Variants in MACROD2 observed in about 807,000 individuals in gnomAD.
The protein encoded by MACROD2 is mono-ADP ribosylhydrolase 2, also known as ADP-ribose glycohydrolase MACROD2.
MACROD2 carries 36 observed loss-of-function variants against 70.4 expected under a neutral mutation model. That is an observed-to-expected ratio of 0.51 (90% CI 0.39 to 0.68). MACROD2 has a LOEUF of 0.68. Ranked by LOEUF, MACROD2 falls within the 30% of genes least tolerant of loss-of-function variation. The pLI is 0.00. For synonymous variants in MACROD2, 172 were observed against 178.8 expected (o/e 0.96, Z 0.30); for missense variants, 496 against 538.4 (o/e 0.92, Z 0.78).
chr20:15,619,269 G>A (rs1416313047), intron 8 of MACROD2, among the ~76,000 whole-genome samples: 8 of 152,178 alleles, frequency 5.3e-5, no homozygotes, highest in East Asian at 3.9e-4. Context: ...GGCTGCTATC[G>A]TCTTTGTTTT....
intron 3 of MACROD2, among the ~76,000 whole-genome samples, chr20:14,308,875 A>G (rs1293544945): frequency 6.6e-6 from 1 of 152,162 alleles, no homozygotes; most frequent in Non-Finnish European, 1.5e-5. Flanking sequence ...GGAGATGGAA[A>G]GGGTAAAGGA....
At chr20:15,807,596 T>G (rs2063780739) in intron 8 of MACROD2, among the ~76,000 whole-genome samples, 1 of 152,182 alleles carries the variant, frequency 6.6e-6, no homozygotes, top group Admixed American at 6.5e-5. Context: ...TTCAAAAACG[T>G]AATGGCAAGA....
In MACROD2 at chr20:16,051,178, T is replaced by A. The variant is rs2067453662; in HGVS notation, c.*1302T>A. On this transcript the variant is annotated 3_prime_UTR_variant, in exon 18 of 18. Coordinates refer to ENST00000684519, the MANE Select transcript of MACROD2 (RefSeq NM_001351661.2). ...CATGTCATTGTTTTCAGTGGAAACA[T>A]ATCGTTTGTTGCATATCTTCTTAAA... 6.6e-6 allele frequency: 1 copy of A among 152,236 alleles called. No homozygotes were observed. The highest frequency in any genetic ancestry group is 1.5e-5 in the Non-Finnish European group (1 of 68,062). 9.4% of individuals were successfully genotyped at this position (152,236 alleles called of 1,614,324 possible). A position where few individuals can be genotyped will look rare whatever the true frequency, so the allele number is the denominator to read the frequency against.
chr20:14,491,708 G>A (rs2084797519), intron 3 of MACROD2, among the ~76,000 whole-genome samples: 1 of 152,172 alleles, frequency 6.6e-6, no homozygotes, highest in South Asian at 2.1e-4. Context: ...AACATTGGAT[G>A]AAAATAGACT....
At chr20:15,032,874 A>G (rs1222515027) in intron 5 of MACROD2, among the ~76,000 whole-genome samples, 1 of 152,242 alleles carries the variant, frequency 6.6e-6, no homozygotes, top group African/African-American at 2.4e-5. Flanking sequence ...GTATATCCAT[A>G]AGACAGAACA....
intron 8 of MACROD2, among the ~76,000 whole-genome samples, chr20:15,658,562 G>A (rs113148641): frequency 1.3e-5 from 2 of 152,124 alleles, no homozygotes; most frequent in African/African-American, 2.4e-5. Flanking sequence ...AAACAATGAG[G>A]AATTGCATGG....
chr20:15,667,977 G>A (rs558170071), intron 8 of MACROD2, among the ~76,000 whole-genome samples: 1 of 152,150 alleles, frequency 6.6e-6, no homozygotes, highest in Non-Finnish European at 1.5e-5. Flanking sequence ...AGTGAGGCAG[G>A]CACGGTGGCT....
intron 3 of MACROD2, among the ~76,000 whole-genome samples, chr20:14,473,880 A>G (rs1450103108): frequency 6.6e-6 from 1 of 151,980 alleles, no homozygotes; most frequent in Non-Finnish European, 1.5e-5. Flanking sequence ...TAGTTTTTAT[A>G]TGCATTTCCC....
chr20:14,691,046 T>C (rs1470524013), intron 5 of MACROD2, among the ~76,000 whole-genome samples: 1 of 152,132 alleles, frequency 6.6e-6, no homozygotes, highest in Non-Finnish European at 1.5e-5. Flanking sequence ...TCCTCCCGAG[T>C]AGCTGGGATT....
chr20:14,145,339 A>T (rs1337378201), intron 3 of MACROD2, among the ~76,000 whole-genome samples: 1 of 152,188 alleles, frequency 6.6e-6, no homozygotes, highest in African/African-American at 2.4e-5. Context: ...GTAGGTATAA[A>T]TAAATGTTAG....
chr20:14,878,645 C>T (rs1440515878), intron 5 of MACROD2, among the ~76,000 whole-genome samples: 1 of 152,082 alleles, frequency 6.6e-6, no homozygotes, highest in Admixed American at 6.5e-5. Context: ...GTCAAAAGAA[C>T]ATTTTCAATT....
chr20:15,163,541 C>A (rs996870093), intron 5 of MACROD2, among the ~76,000 whole-genome samples: 2 of 151,948 alleles, frequency 1.3e-5, no homozygotes, highest in African/African-American at 4.8e-5. Context: ...AGTATAGAAA[C>A]CTGATCTTCA....
intron 8 of MACROD2, among the ~76,000 whole-genome samples, chr20:15,597,243 A>G (rs2048758092): frequency 6.6e-6 from 1 of 152,224 alleles, no homozygotes; most frequent in Admixed American, 6.5e-5. Flanking sequence ...CATTCCAAGA[A>G]AGTCAAAAAC....
intron 3 of MACROD2, among the ~76,000 whole-genome samples, chr20:14,455,630 G>C (rs1233344015): frequency 2.0e-5 from 3 of 151,828 alleles, no homozygotes; most frequent in African/African-American, 7.3e-5. Flanking sequence ...ATGCCACAGA[G>C]TAGGGCATGT....
At chr20:14,036,772 T>G (rs890798930) in intron 2 of MACROD2, among the ~76,000 whole-genome samples, 3 of 152,190 alleles carry the variant, frequency 2.0e-5, no homozygotes, top group African/African-American at 7.2e-5. Flanking sequence ...CAAGCGATTC[T>G]CCCACCTCAG....
intron 8 of MACROD2, among the ~76,000 whole-genome samples, chr20:15,679,094 G>C (rs2050121542): frequency 6.6e-6 from 1 of 152,082 alleles, no homozygotes; most frequent in Non-Finnish European, 1.5e-5. Context: ...AAAATTAGCT[G>C]GGTGTAGTGG....
intron 5 of MACROD2, among the ~76,000 whole-genome samples, chr20:14,861,368 C>G (rs116005897): frequency 6.6e-6 from 1 of 152,084 alleles, no homozygotes. Flanking sequence ...CTGGGTTCCA[C>G]GTCCTAGAGA....
At chr20:15,307,744 A>G (rs886372654) in intron 6 of MACROD2, among the ~76,000 whole-genome samples, 2 of 151,926 alleles carry the variant, frequency 1.3e-5, no homozygotes, top group African/African-American at 4.8e-5. Context: ...AAATAAAATA[A>G]TTTTCTTTTT....
chr20:14,384,924 A>T (rs1159629957), intron 3 of MACROD2, among the ~76,000 whole-genome samples: 1 of 152,150 alleles, frequency 6.6e-6, no homozygotes, highest in Non-Finnish European at 1.5e-5. Context: ...CTGTTTTCAC[A>T]GTAATTATAA....
Sources: allele counts gnomAD v4.1 joint callset (sites outside exome capture counted in the v4.1 genomes callset), GRCh38; gene constraint gnomAD v4.1.1; transcripts MANE v1.5; gene names NCBI Gene and HGNC (gene_info 2026-07-23, HGNC 2026-07-21).